RGMA: variants seen among roughly 807,000 people sequenced by gnomAD.
The protein encoded by RGMA is repulsive guidance molecule A.
RGMA carries 10 observed loss-of-function variants against 23.2 expected under a neutral mutation model. The observed-to-expected ratio is 0.43, with a 90% CI of 0.27 to 0.73. The LOEUF is 0.73. Ranked by LOEUF, RGMA falls within the 30% of genes least tolerant of loss-of-function variation. The pLI, the probability that RGMA is intolerant of heterozygous loss-of-function variation, is 0.20. For missense variants in RGMA, 547 were observed against 630.5 expected (o/e 0.87, Z 1.42); for synonymous variants, 308 against 279.3 (o/e 1.10, Z -1.03).
rs369702106 is a variant in RGMA at position 93,072,979 on chromosome 15, C to T, written c.67G>A (p.Ala23Thr). ...CAGAATCCCAGGGCTGAACGTCCTG[C>T]CCCTCTCCCCATACCCATCCATCCA... is the stretch of plus-strand genomic sequence containing the variant. The part of the protein sequence containing the change: ...RAGWMGMGRG[A>T]GRSALGFWPT... Residue 23 changes from alanine to threonine, a missense_variant, in exon 2 of 4, where the codon GCA (alanine) becomes ACA (threonine). By Grantham distance (58) the Ala-to-Thr change is moderately conservative. Around this residue, in one of 3 missense-constraint regions of RGMA, gnomAD observed 214 missense variants for 234.7 expected, o/e 0.91. Transcript: ENST00000329082. The T allele has an allele frequency of 5.4e-5, 87 of 1,611,512 alleles. No homozygotes were observed. The highest frequency in any genetic ancestry group is 7.1e-5 in the Non-Finnish European group (84 of 1,179,094).
At chr15:93,052,546 C>A in intron 2 of RGMA, 39 bp from the exon 3 acceptor site, 1 of 1,513,130 alleles carries the variant, frequency 6.6e-7, no homozygotes, top group East Asian at 2.3e-5. Flanking sequence ...GGGGTGCAGC[C>A]TGGCAACCCC....
chr15:93,069,549 GTT>G (rs1247319718), intron 2 of RGMA, among the ~76,000 whole-genome samples: 6 of 94,330 alleles, frequency 6.4e-5, no homozygotes, highest in Admixed American at 2.3e-4. Context: ...AACAGCTGCA[GTT>G]CAAAGTATAA....
At position 93,074,328 on chromosome 15, in the gene RGMA, G is replaced by A. The variant is rs148404576; in HGVS notation, c.15-1297C>T. Among the ~76,000 whole-genome samples, 493 of 152,316 alleles carry A rather than the reference G, an allele frequency of 3.2e-3. 1 individual carries two copies. Among genetic ancestry groups the A allele is most frequent in the Middle Eastern group, 0.02 (6 of 294 alleles). On this transcript the variant is annotated intron_variant, in intron 1 of 3. Coordinates refer to ENST00000329082, the MANE Select transcript of RGMA (RefSeq NM_020211.3). ...CAGGCTTGTGCAAGGCTGCAGGGCT[G>A]CAGCTGCATTTGGGGTTCCGGCTGC...
chr15:93,055,517 G>A (rs8035269), intron 2 of RGMA, among the ~76,000 whole-genome samples: 25,476 of 152,170 alleles, frequency 0.17, 2,459 homozygotes, highest in South Asian at 0.39. Flanking sequence ...TCACTTCCAG[G>A]AAGGAGCCAG....
At chr15:93,054,584 C>T (rs934015467) in intron 2 of RGMA, among the ~76,000 whole-genome samples, 2 of 152,182 alleles carry the variant, frequency 1.3e-5, no homozygotes, top group African/African-American at 4.8e-5. Flanking sequence ...TCTCCTTTGC[C>T]TTCTGTCATG....
In RGMA at chr15:93,089,028, G is replaced by T; in HGVS notation, c.-96C>A. ...CGTCTGCCCCGGGGCAAGGTGGGAGGGGCTCCGCTGGCGCTGGTCCCCGCC... is the reference window on the plus strand; with the variant it reads ...CGTCTGCCCCGGGGCAAGGTGGGAGTGGCTCCGCTGGCGCTGGTCCCCGCC... On this transcript the variant is annotated 5_prime_UTR_variant, in exon 1 of 4. Coordinates refer to ENST00000329082, the MANE Select transcript of RGMA (RefSeq NM_020211.3). The T allele has an allele frequency of 1.4e-6, 1 of 714,982 alleles. No individual in the cohort carries two copies. The highest frequency in any genetic ancestry group is 3.2e-5 in the South Asian group (1 of 31,410). The allele number at this position is 714,982 out of a possible 1,614,324, so 44.3% of individuals were successfully genotyped here.
At chr15:93,046,238 T>C (rs1395950717) in intron 3 of RGMA, among the ~76,000 whole-genome samples, 1 of 151,928 alleles carries the variant, frequency 6.6e-6, no homozygotes, top group African/African-American at 2.4e-5. Flanking sequence ...CAGAGGGAGA[T>C]TTGACTAACT....
Position 93,044,772 on chromosome 15 carries a change from T to C in RGMA, c.*226A>G. The C allele has an allele frequency of 3.4e-6, 2 of 584,916 alleles. No homozygotes were observed. Among genetic ancestry groups the C allele is most frequent in the Non-Finnish European group, 6.1e-6 (2 of 328,358 alleles). 36.2% of individuals were successfully genotyped at this position (584,916 alleles called of 1,614,324 possible). On this transcript the variant is annotated 3_prime_UTR_variant, in exon 4 of 4. Coordinates refer to ENST00000329082, the MANE Select transcript of RGMA (RefSeq NM_020211.3). ...GCGGGGCGAGGGGAGCTGCTCTCCC[T>C]CTCACACAGCTCTACTGTCAAACAT...
At chr15:93,057,520 C>T (rs575223914) in intron 2 of RGMA, among the ~76,000 whole-genome samples, 6 of 152,106 alleles carry the variant, frequency 3.9e-5, no homozygotes, top group Non-Finnish European at 7.4e-5. Flanking sequence ...ATGCTGGTAC[C>T]GGATCTAGGA....
At chr15:93,088,805 C>A in intron 1 of RGMA, 114 bp downstream of exon 1, 2 of 1,016,512 alleles carry the variant, frequency 2.0e-6, no homozygotes, top group Non-Finnish European at 1.4e-6. Context: ...AAGATGGGAG[C>A]AAGATGAGAC....
chr15:93,073,173 C>T (rs1413022998), intron 1 of RGMA, 142 bp from the exon 2 acceptor site: 2 of 1,229,236 alleles, frequency 1.6e-6, no homozygotes, highest in African/African-American at 1.6e-5. Context: ...CTTCCCGCGC[C>T]GCCCCCCGCG....
Position 93,077,878 on chromosome 15 carries a change from T to G in RGMA, c.15-4847A>C, listed in dbSNP as rs554853833. On this transcript the variant is annotated intron_variant, in intron 1 of 3. Coordinates refer to ENST00000329082, the MANE Select transcript of RGMA (RefSeq NM_020211.3). ...ACACGCCACCACACCCGGCTAATTTTTGTACTTTCAGTAGAGACAGGGTTT... is the reference window on the plus strand; with the variant it reads ...ACACGCCACCACACCCGGCTAATTTGTGTACTTTCAGTAGAGACAGGGTTT... 2.6e-4 allele frequency among the ~76,000 whole-genome samples: 40 copies of G among 152,346 alleles called. No individual in the cohort carries two copies. In the South Asian group the frequency reaches 3.7e-3, roughly 14 times the overall value.
At position 93,048,746 on chromosome 15, in the gene RGMA, C is replaced by A. The variant is rs551350218; in HGVS notation, c.646-3041G>T. Among the ~76,000 whole-genome samples, 22 of 152,286 alleles carry A rather than the reference C, an allele frequency of 1.4e-4. No homozygotes were observed. The South Asian group carries it at 4.6e-3, about 32-fold the overall frequency. On this transcript the variant is annotated intron_variant, in intron 3 of 3. Transcript: ENST00000329082. Reference sequence around the variant, plus strand: ...TCAGCCTCCTACTTCTTCCTTCTTTCCACCCACTGGCCAGCCCACCTCGGT... The same window carrying A: ...TCAGCCTCCTACTTCTTCCTTCTTTACACCCACTGGCCAGCCCACCTCGGT...
At chr15:93,066,745 T>C (rs1895169187) in intron 2 of RGMA, 2 of 327,450 alleles carry the variant, frequency 6.1e-6, no homozygotes, top group South Asian at 2.3e-5. Flanking sequence ...ACTCCTGACC[T>C]CAAGTGATCC....
At chr15:93,088,229 C>T (rs2141852710) in intron 1 of RGMA, 1 of 903,890 alleles carries the variant, frequency 1.1e-6, no homozygotes, top group Non-Finnish European at 1.3e-6. Context: ...CGAGCGTCCC[C>T]CACACCCGCC....
Position 93,044,852 on chromosome 15 carries a change from G to T in RGMA, c.*146C>A. 3.0e-6 allele frequency: 2 copies of T among 667,818 alleles called. No homozygotes were observed. Among genetic ancestry groups the T allele is most frequent in the Non-Finnish European group, 5.1e-6 (2 of 391,618 alleles). The allele number at this position is 667,818 out of a possible 1,614,324, so 41.4% of individuals were successfully genotyped here. A position where few individuals can be genotyped will look rare whatever the true frequency, so the allele number is the denominator to read the frequency against. On this transcript the variant is annotated 3_prime_UTR_variant, in exon 4 of 4. Coordinates refer to ENST00000329082, the MANE Select transcript of RGMA (RefSeq NM_020211.3). ...GTGCACTAGAAGGGGAGGGGTCCGT[G>T]CCTGAGCCCTTGGCAGCAGGCGGTC...
At chr15:93,055,244 A>G (rs887558179) in intron 2 of RGMA, among the ~76,000 whole-genome samples, 9 of 152,144 alleles carry the variant, frequency 5.9e-5, no homozygotes, top group African/African-American at 1.2e-4. Flanking sequence ...ACCAAAGTAG[A>G]GGAAAGAACA....
chr15:93,059,231 A>G (rs2055063813), intron 2 of RGMA, among the ~76,000 whole-genome samples: 1 of 152,196 alleles, frequency 6.6e-6, no homozygotes, highest in African/African-American at 2.4e-5. Context: ...GCCCAAAAGC[A>G]TGATGCGGGT....
At chr15:93,072,602 G>A (rs1033368080) in intron 2 of RGMA, among the ~76,000 whole-genome samples, 8 of 152,070 alleles carry the variant, frequency 5.3e-5, no homozygotes, top group East Asian at 1.9e-4. Context: ...CTCTTCCCGA[G>A]CCCCTAGGAG....
Sources: gnomAD v4.1 joint callset for allele counts (sites outside exome capture counted in the v4.1 genomes callset) on GRCh38, gnomAD v4.1.1 for gene constraint, gnomAD v4.1.1 regional missense constraint, MANE v1.5 for transcripts, NCBI Gene and HGNC (gene_info 2026-07-23, HGNC 2026-07-21) for gene names.